The following PDLIM1 variants were observed in gnomAD, a reference collection of about 807,000 sequenced individuals.
PDLIM1 encodes PDZ and LIM domain 1, also known as PDZ and LIM domain protein 1.
A neutral mutation model predicts 35.2 loss-of-function variants in PDLIM1; 25 were observed. The observed-to-expected ratio is 0.71, with a 90% CI of 0.52 to 0.99. PDLIM1 has a LOEUF of 0.99. Ranked by LOEUF, PDLIM1 falls within the 50% of genes least tolerant of loss-of-function variation. The probability of loss-of-function intolerance (pLI) is 0.00; values close to 1 mark genes in which losing one functional copy is unlikely to be tolerated. For missense variants in PDLIM1, 363 were observed against 415.3 expected, an observed-to-expected ratio of 0.87 and a Z score of 1.09; for synonymous variants, 152 against 154.0, an observed-to-expected ratio of 0.99 and a Z score of 0.10.
intron 4 of PDLIM1, among the ~76,000 whole-genome samples, chr10:95,255,489 C>T (rs1202673531): frequency 6.6e-6 from 1 of 152,082 alleles, no homozygotes; most frequent in East Asian, 1.9e-4. Flanking sequence ...TAACATATAA[C>T]AATCAATCAG....
At chr10:95,267,734 G>A (rs2035428485) in intron 3 of PDLIM1, among the ~76,000 whole-genome samples, 1 of 151,992 alleles carries the variant, frequency 6.6e-6, no homozygotes, top group South Asian at 2.1e-4. Context: ...CTTCATACAA[G>A]TTTCTGTTTT....
rs756392076 is a variant in PDLIM1 at position 95,271,652 on chromosome 10, A to G, written c.229T>C (p.Leu77=). 5 of 1,606,016 alleles carry G rather than the reference A, an allele frequency of 3.1e-6. No homozygotes were observed. In the South Asian group the frequency reaches 5.6e-5, roughly 18 times the overall value. Residue 77 remains leucine, a synonymous_variant, in exon 2 of 7, where the codon TTG becomes CTG. Transcript: ENST00000329399. ...QNRIKGCTDN[L]TLTVARSEHK... is the part of the protein sequence containing the mutation. ...CTTCACCTGGCTACAGTGAGAGTCA[A>G]GTTGTCTGTGCAGCCTTTGATTCTG...
intron 1 of PDLIM1, among the ~76,000 whole-genome samples, chr10:95,279,229 C>T (rs2035539779): frequency 6.6e-6 from 1 of 152,152 alleles, no homozygotes; most frequent in South Asian, 2.1e-4. Context: ...CTCCATTTAG[C>T]CACAGGCTCT....
At chr10:95,255,239 A>T (rs2035300652) in intron 4 of PDLIM1, among the ~76,000 whole-genome samples, 1 of 151,914 alleles carries the variant, frequency 6.6e-6, no homozygotes, top group African/African-American at 2.4e-5. Context: ...AATCCTTCTC[A>T]AACTCTTCCA....
At chr10:95,251,646 G>C (rs2035268906) in intron 4 of PDLIM1, among the ~76,000 whole-genome samples, 2 of 152,198 alleles carry the variant, frequency 1.3e-5, no homozygotes, top group Admixed American at 1.3e-4. Flanking sequence ...AATTGGAATA[G>C]AAACGGGGAT....
At chr10:95,283,787 A>G (rs1329568171) in intron 1 of PDLIM1, among the ~76,000 whole-genome samples, 3 of 152,242 alleles carry the variant, frequency 2.0e-5, no homozygotes, top group African/African-American at 7.2e-5. Flanking sequence ...AGCACACCCA[A>G]GGAAACAGCA....
At chr10:95,280,062 A>T (rs1213987788) in intron 1 of PDLIM1, among the ~76,000 whole-genome samples, 8 of 152,206 alleles carry the variant, frequency 5.3e-5, no homozygotes, top group Non-Finnish European at 1.0e-4. Context: ...AGTCCTTTTT[A>T]GTAAATTTTC....
At chr10:95,259,460 C>T (rs1963544) in intron 4 of PDLIM1, among the ~76,000 whole-genome samples, 3,409 of 152,184 alleles carry the variant, frequency 0.022, 118 homozygotes, top group African/African-American at 0.075. Flanking sequence ...CCAAAAACGC[C>T]ATTCTGGGAA....
intron 5 of PDLIM1, among the ~76,000 whole-genome samples, chr10:95,241,382 T>C (rs66816038): frequency 0.08 from 12,234 of 152,218 alleles, 644 homozygotes; most frequent in Middle Eastern, 0.16. Context: ...GAATACATGG[T>C]TGACTGTATT....
intron 4 of PDLIM1, among the ~76,000 whole-genome samples, chr10:95,254,011 T>TA (rs907603314): frequency 6.6e-6 from 1 of 151,496 alleles, no homozygotes; most frequent in African/African-American, 2.4e-5. Context: ...ACACTACAAA[T>TA]AAAAATGTTA....
At chr10:95,249,107 G>A (rs1229795996) in intron 4 of PDLIM1, among the ~76,000 whole-genome samples, 3 of 152,208 alleles carry the variant, frequency 2.0e-5, no homozygotes, top group Non-Finnish European at 4.4e-5. Context: ...CCCAGGCCCG[G>A]CTCAGTGCCT....
At chr10:95,275,698 G>A (rs2035504656) in intron 1 of PDLIM1, among the ~76,000 whole-genome samples, 2 of 152,200 alleles carry the variant, frequency 1.3e-5, no homozygotes, top group Non-Finnish European at 2.9e-5. Context: ...TGAAAAAGAA[G>A]TTTCCTTTCA....
rs752906228 is a variant in PDLIM1 at position 95,271,647 on chromosome 10, A to G, written c.234T>C (p.Thr78=). 1.4e-5 allele frequency: 23 copies of G among 1,603,882 alleles called. No homozygotes were observed. Among genetic ancestry groups the G allele is most frequent in the Non-Finnish European group, 2.0e-5 (23 of 1,177,684 alleles). ...ATAGGCTTCACCTGGCTACAGTGAG[A>G]GTCAAGTTGTCTGTGCAGCCTTTGA... ...NRIKGCTDNL[T]LTVARSEHKV... is the part of the protein sequence containing the mutation. The change falls in exon 2 of 7, where the codon ACT becomes ACC. Residue 78 remains threonine (T), a synonymous_variant. Coordinates refer to ENST00000329399, the MANE Select transcript of PDLIM1 (RefSeq NM_020992.4).
At chr10:95,286,810 T>TC (rs1168646028) in intron 1 of PDLIM1, among the ~76,000 whole-genome samples, 1 of 152,218 alleles carries the variant, frequency 6.6e-6, no homozygotes, top group African/African-American at 2.4e-5. Flanking sequence ...ATGCTAGCTT[T>TC]CCTCTCCTCT....
intron 4 of PDLIM1, among the ~76,000 whole-genome samples, chr10:95,254,927 T>C (rs530350361): frequency 6.7e-6 from 1 of 150,238 alleles, no homozygotes; most frequent in South Asian, 2.1e-4. Context: ...AGTAAGTAAG[T>C]AAATAAATAA....
chr10:95,237,864 A>G lies in PDLIM1; in HGVS notation c.*61T>C. 1 of 1,458,788 alleles carries G rather than the reference A, an allele frequency of 6.9e-7. No homozygotes were observed. 90.4% of individuals were successfully genotyped at this position (1,458,788 alleles called of 1,614,324 possible). On this transcript the variant is annotated 3_prime_UTR_variant, in exon 7 of 7. Coordinates refer to ENST00000329399, the MANE Select transcript of PDLIM1 (RefSeq NM_020992.4). ...AACTTTCAAGAGAGGAGAGGGCCAG[A>G]ACACTGAGAGAAAAAGCTGCAGCAG...
chr10:95,255,877 A>G (rs2035306833), intron 4 of PDLIM1, among the ~76,000 whole-genome samples: 1 of 147,880 alleles, frequency 6.8e-6, no homozygotes, highest in South Asian at 2.2e-4. Flanking sequence ...AATACACAGA[A>G]AACCCTAAAG....
chr10:95,276,421 G>T (rs1345993536), intron 1 of PDLIM1, among the ~76,000 whole-genome samples: 1 of 152,118 alleles, frequency 6.6e-6, no homozygotes, highest in Non-Finnish European at 1.5e-5. Context: ...CCCCTGCCCT[G>T]TACTGATCTG....
At chr10:95,262,763 G>A (rs1036601245) in intron 4 of PDLIM1, among the ~76,000 whole-genome samples, 1 of 152,150 alleles carries the variant, frequency 6.6e-6, no homozygotes, top group Non-Finnish European at 1.5e-5. Context: ...TCCTTTGCTG[G>A]GATTCCCAGT....
Sources: allele counts gnomAD v4.1 joint callset (sites outside exome capture counted in the v4.1 genomes callset), GRCh38; gene constraint gnomAD v4.1.1; transcripts MANE v1.5; gene names NCBI Gene and HGNC (gene_info 2026-07-23, HGNC 2026-07-21).